The following SLC9A3 variants were observed in gnomAD, a reference collection of about 807,000 sequenced individuals.
SLC9A3 encodes sodium/hydrogen exchanger 3.
Under a neutral mutation model 86.8 loss-of-function variants are expected in SLC9A3, and 37 were observed. The observed-to-expected ratio is 0.43, with a 90% CI of 0.33 to 0.56. SLC9A3 has a LOEUF of 0.56. SLC9A3 is among the 20% of genes least tolerant of loss of function. The pLI is 0.06. For missense variants in SLC9A3, 1,011 were observed against 1,171.9 expected, an observed-to-expected ratio of 0.86 and a Z score of 2.00; for synonymous variants, 581 against 528.3, an observed-to-expected ratio of 1.10 and a Z score of -1.37.
At chr5:492,600 T>TC (rs1197128667) in intron 1 of SLC9A3, among the ~76,000 whole-genome samples, 2 of 150,622 alleles carry the variant, frequency 1.3e-5, no homozygotes, top group African/African-American at 4.9e-5. Flanking sequence ...CAGAAGGGAG[T>TC]CAGTTGGAGG....
intron 1 of SLC9A3, among the ~76,000 whole-genome samples, chr5:502,579 G>A (rs115586636): frequency 7.9e-5 from 12 of 152,228 alleles, no homozygotes; most frequent in South Asian, 6.2e-4. Context: ...AGAGGAGAAC[G>A]CAAGATGGTC....
chr5:479,576 A>G, intron 10 of SLC9A3: 1 of 454,398 alleles, frequency 2.2e-6, no homozygotes, highest in Non-Finnish European at 4.0e-6. Flanking sequence ...AAAGCAAGGG[A>G]GCTCGGGGTC....
Position 509,220 on chromosome 5 carries a change from G to A in SLC9A3, c.211+14892C>T, listed in dbSNP as rs536692436. Among the ~76,000 whole-genome samples the A allele has an allele frequency of 2.5e-3, 387 of 151,958 alleles. 3 individuals carry two copies. Among genetic ancestry groups the A allele is most frequent in the African/African-American group, 5.7e-3 (237 of 41,412 alleles). On this transcript the variant is annotated intron_variant, in intron 1 of 16. Transcript: ENST00000264938. Reference sequence around the variant, plus strand: ...CCCACCACTTTGGGAGGCTAATGGTGGAGCGGATCACTTGAGGCCAGGAGT... The same window carrying A: ...CCCACCACTTTGGGAGGCTAATGGTAGAGCGGATCACTTGAGGCCAGGAGT...
At chr5:488,892 A>G (rs1350290340) in intron 2 of SLC9A3, among the ~76,000 whole-genome samples, 1 of 151,016 alleles carries the variant, frequency 6.6e-6, no homozygotes, top group Non-Finnish European at 1.5e-5. Flanking sequence ...GGGCGCGGCC[A>G]GGGAGGGGCA....
chr5:491,629 G>T lies in SLC9A3; in HGVS notation c.514+140C>A. 1.4e-6 allele frequency: 1 copy of T among 724,614 alleles called. No individual in the cohort carries two copies. The highest frequency in any genetic ancestry group is 2.2e-6 in the Non-Finnish European group (1 of 459,412). The allele number at this position is 724,614 out of a possible 1,614,324, so 44.9% of individuals were successfully genotyped here. ...TGGCCTTGGTCACGAGGGCCTACGG[G>T]GCTGCCAGCCACGTTTCTCACCTGA... On this transcript the variant is annotated intron_variant, in intron 2 of 16. Transcript: ENST00000264938. The surrounding 1 kb of genome is among the most constrained non-coding windows in gnomAD (Gnocchi z 9.2).
intron 1 of SLC9A3, among the ~76,000 whole-genome samples, chr5:492,278 C>CCA (rs1739798764): frequency 2.5e-5 from 1 of 39,936 alleles, no homozygotes; most frequent in Non-Finnish European, 4.7e-5. Flanking sequence ...GGAGGGAGGT[C>CCA]GGGGTGGGAC....
intron 14 of SLC9A3, 24 bp from the exon 15 acceptor site, chr5:475,695 G>T: frequency 1.5e-6 from 2 of 1,354,170 alleles, no homozygotes; most frequent in Non-Finnish European, 2.1e-6. Flanking sequence ...GTTGGGGTGA[G>T]GACTGGGGTC....
rs746788379 is a variant in SLC9A3 at position 476,690 on chromosome 5, C to T, written c.1761-18G>A. ...TTTCTCTCCTGCGTGGGGACCAGCG[C>T]TGAGCCATACAGGCTCCCTCAGGGT... On this transcript the variant is annotated intron_variant, in intron 11 of 16. Transcript: ENST00000264938. 2.5e-6 allele frequency: 4 copies of T among 1,600,448 alleles called. No homozygotes were observed. The South Asian group carries it at 4.4e-5, about 18-fold the overall frequency.
intron 1 of SLC9A3, among the ~76,000 whole-genome samples, chr5:502,034 G>A (rs1740301701): frequency 6.6e-6 from 1 of 152,254 alleles, no homozygotes; most frequent in South Asian, 2.1e-4. Flanking sequence ...GACTCCCTGC[G>A]CTCAAGTCAC....
intron 1 of SLC9A3, among the ~76,000 whole-genome samples, chr5:495,967 G>A (rs542625967): frequency 6.6e-5 from 10 of 151,970 alleles, no homozygotes; most frequent in African/African-American, 1.7e-4. Flanking sequence ...CCCTCCCCAC[G>A]CTCCAGTGAG....
Position 500,099 on chromosome 5 carries a change from G to A in SLC9A3, c.212-8028C>T, listed in dbSNP as rs371238745. Among the ~76,000 whole-genome samples the A allele has an allele frequency of 4.4e-4, 67 of 152,382 alleles. 3 individuals carry two copies. In the South Asian group the frequency reaches 0.013, roughly 31 times the overall value. On this transcript the variant is annotated intron_variant, in intron 1 of 16. Transcript: ENST00000264938. ...GCCTCAGGTCCACCGCACTGACTGCGGCAACCCCGGCCCTGTGGGTTGAAA... is the reference window on the plus strand; with the variant it reads ...GCCTCAGGTCCACCGCACTGACTGCAGCAACCCCGGCCCTGTGGGTTGAAA...
Position 473,208 on chromosome 5 carries a change from G to A in SLC9A3, c.*171C>T. On this transcript the variant is annotated 3_prime_UTR_variant, in exon 17 of 17. Transcript: ENST00000264938. ...CTCGGGCGGCTCTGCGGGCGCAGGC[G>A]CGGCACTCTCGGAGTTCTGCGCAGG... The A allele has an allele frequency of 1.5e-6, 1 of 680,882 alleles. No homozygotes were observed. The highest frequency in any genetic ancestry group is 2.0e-6 in the Non-Finnish European group (1 of 499,134). 42.2% of individuals were successfully genotyped at this position (680,882 alleles called of 1,614,324 possible).
chr5:480,708 G>A (rs1240840977), intron 9 of SLC9A3: 2 of 152,282 alleles, frequency 1.3e-5, no homozygotes, highest in Admixed American at 6.5e-5. Flanking sequence ...TGTGGCCACG[G>A]AGAACCGCAG....
chr5:476,738 C>A, intron 11 of SLC9A3, 66 bp from the exon 12 acceptor site: 1 of 1,570,098 alleles, frequency 6.4e-7, no homozygotes. Context: ...GCGCCCCTCG[C>A]CTTCCCACGG....
At chr5:503,436 G>C (rs1176290543) in intron 1 of SLC9A3, among the ~76,000 whole-genome samples, 1 of 152,208 alleles carries the variant, frequency 6.6e-6, no homozygotes, top group Non-Finnish European at 1.5e-5. Flanking sequence ...TACTCAGGGG[G>C]CTGAGGCCAG....
chr5:512,852 G>A (rs1040647978), intron 1 of SLC9A3, among the ~76,000 whole-genome samples: 16 of 152,232 alleles, frequency 1.1e-4, no homozygotes, highest in South Asian at 2.1e-4. Context: ...AGGAAGGGCT[G>A]GGCGTGCAGA....
In SLC9A3 at chr5:471,336, C is replaced by T; in HGVS notation, c.*2043G>A. 5.7e-6 allele frequency: 1 copy of T among 175,872 alleles called. No homozygotes were observed. Among genetic ancestry groups the T allele is most frequent in the Non-Finnish European group, 1.2e-5 (1 of 80,416 alleles). 10.9% of individuals were successfully genotyped at this position (175,872 alleles called of 1,614,324 possible). ...TGCAGCTGGGAGTCAGATGCAGGCC[C>T]AAGGGTCCAGGGGAGTTGTTCAGCG... On this transcript the variant is annotated 3_prime_UTR_variant, in exon 17 of 17. Transcript: ENST00000264938.
At chr5:520,621 C>T (rs1189531236) in intron 1 of SLC9A3, among the ~76,000 whole-genome samples, 1 of 152,062 alleles carries the variant, frequency 6.6e-6, no homozygotes, top group Non-Finnish European at 1.5e-5. Context: ...ACCACATCCA[C>T]TCCTCACCAC....
chr5:474,830 AG>A lies in SLC9A3; in HGVS notation c.2501+52del, dbSNP rs148557313. 78 of 1,037,638 alleles carry A rather than the reference AG, an allele frequency of 7.5e-5. 26 individuals are homozygous for A. The African/African-American group carries it at 1.9e-3, about 25-fold the overall frequency. 64.3% of individuals were successfully genotyped at this position (1,037,638 alleles called of 1,614,324 possible). ...CAGCGCGCGCGAGGCGGAGACCTGG[AG>A]GGAGAGGAGCTGCGGAGAGGGGTTA... On this transcript the variant is annotated intron_variant, in intron 16 of 16. Transcript: ENST00000264938.
Sources: gnomAD v4.1 joint callset for allele counts (sites outside exome capture counted in the v4.1 genomes callset) on GRCh38, gnomAD v4.1.1 for gene constraint, Gnocchi (gnomAD v3.1) non-coding constraint, MANE v1.5 for transcripts, NCBI Gene and HGNC (gene_info 2026-07-23, HGNC 2026-07-21) for gene names.